The following THEMIS2 variants were observed in gnomAD, a reference collection of about 807,000 sequenced individuals.
The protein encoded by THEMIS2 is protein THEMIS2.
THEMIS2 carries 29 observed loss-of-function variants against 46.8 expected under a neutral mutation model. The ratio of observed to expected loss-of-function variants is 0.62; its 90% CI spans 0.46 to 0.84. The LOEUF is 0.84. THEMIS2 is among the 40% of genes least tolerant of loss of function. The pLI is 0.00. For synonymous variants in THEMIS2, 335 were observed against 349.1 expected (o/e 0.96, Z 0.45); for missense variants, 698 against 834.7 (o/e 0.84, Z 2.02).
In THEMIS2 at chr1:27,876,706, G is replaced by A; in HGVS notation, c.213G>A (p.Met71Ile). Reference protein sequence around the residue: ...VCENPKTSQTMELAPNFQGYF... With the variant: ...VCENPKTSQTIELAPNFQGYF... Reference sequence around the variant, plus strand: ...AGAACCCGAAGACCAGCCAGACCATGGAGCTCGCCCCCAACTTCCAGGGTA... The same window carrying A: ...AGAACCCGAAGACCAGCCAGACCATAGAGCTCGCCCCCAACTTCCAGGGTA... The change falls in exon 2 of 6, where the codon ATG (methionine) becomes ATA (isoleucine). Residue 71 changes from methionine (M) to isoleucine (I), a missense_variant. Coordinates refer to ENST00000373921, the MANE Select transcript of THEMIS2 (RefSeq NM_001105556.3). The A allele has an allele frequency of 6.2e-7, 1 of 1,613,926 alleles. No individual in the cohort carries two copies. The highest frequency in any genetic ancestry group is 8.5e-7 in the Non-Finnish European group (1 of 1,179,976).
rs2089686777 is a variant in THEMIS2 at position 27,881,996 on chromosome 1, T to G, written c.672T>G (p.Pro224=). The G allele has an allele frequency of 1.9e-6, 3 of 1,613,838 alleles. No individual in the cohort carries two copies. The highest frequency in any genetic ancestry group is 1.7e-6 in the Non-Finnish European group (2 of 1,179,872). The part of the protein sequence containing the change: ...MHMRRTIVKI[P]STLEVDVEDV... ...TGCGCAGGACCATTGTCAAGATCCCTTCTACCCTGGAGGTCGACGTGGAGG... is the reference window on the plus strand; with the variant it reads ...TGCGCAGGACCATTGTCAAGATCCCGTCTACCCTGGAGGTCGACGTGGAGG... Residue 224 remains proline (P), a synonymous_variant, in exon 4 of 6, where the codon CCT becomes CCG. Coordinates refer to ENST00000373921, the MANE Select transcript of THEMIS2 (RefSeq NM_001105556.3).
At chr1:27,876,833 G>A in intron 2 of THEMIS2, 105 bp downstream of exon 2, 1 of 1,437,098 alleles carries the variant, frequency 7.0e-7, no homozygotes, top group East Asian at 2.4e-5. Flanking sequence ...CTCCCCTCGG[G>A]GTTTGCTCCC....
chr1:27,880,049 T>C lies in THEMIS2; in HGVS notation c.641T>C (p.Met214Thr), dbSNP rs1294727260. 4 of 1,594,156 alleles carry C rather than the reference T, an allele frequency of 2.5e-6. No homozygotes were observed. Among genetic ancestry groups the C allele is most frequent in the Non-Finnish European group, 3.4e-6 (4 of 1,164,652 alleles). The stretch of plus-strand genomic sequence containing the variant: ...CCCCAGTATGAGATCCAAGCCATCA[T>C]GCACAGTGAGTTGCCTGGGCAGATG... ...LRPQYEIQAI[M>T]HMRRTIVKIP... Residue 214 changes from methionine (M) to threonine (T), a missense_variant, in exon 3 of 6, where the codon ATG (methionine) becomes ACG (threonine). Coordinates refer to ENST00000373921, the MANE Select transcript of THEMIS2 (RefSeq NM_001105556.3).
Position 27,882,011 on chromosome 1 carries a change from C to G in THEMIS2, c.687C>G (p.Val229=). Reference sequence around the variant, plus strand: ...TCAAGATCCCTTCTACCCTGGAGGTCGACGTGGAGGACGTCACCGCCTCCT... The same window carrying G: ...TCAAGATCCCTTCTACCCTGGAGGTGGACGTGGAGGACGTCACCGCCTCCT... ...TIVKIPSTLE[V]DVEDVTASSR... The change falls in exon 4 of 6, where the codon GTC becomes GTG. Residue 229 remains valine, a synonymous_variant. Coordinates refer to ENST00000373921, the MANE Select transcript of THEMIS2 (RefSeq NM_001105556.3). This position sits in a 1 kb window ranked among gnomAD's most constrained non-coding sequence, Gnocchi z 7.6. The G allele has an allele frequency of 6.2e-7, 1 of 1,614,038 alleles. No homozygotes were observed. Among genetic ancestry groups the G allele is most frequent in the Non-Finnish European group, 8.5e-7 (1 of 1,179,968 alleles).
intron 4 of THEMIS2, 125 bp from the exon 5 acceptor site, chr1:27,885,170 C>A (rs990673421): frequency 2.0e-6 from 2 of 1,023,754 alleles, no homozygotes; most frequent in African/African-American, 3.2e-5. Context: ...CTTGAGAGGT[C>A]ATAGCCTGAA....
intron 1 of THEMIS2, among the ~76,000 whole-genome samples, chr1:27,873,036 G>C (rs1460581137): frequency 6.6e-6 from 1 of 152,118 alleles, no homozygotes; most frequent in Non-Finnish European, 1.5e-5. Context: ...GAAGTGCAGG[G>C]TCAGTCTTCC....
intron 1 of THEMIS2, among the ~76,000 whole-genome samples, chr1:27,874,848 T>C (rs1370409402): frequency 6.6e-6 from 1 of 152,032 alleles, no homozygotes; most frequent in East Asian, 1.9e-4. Flanking sequence ...GTCCTCCCAC[T>C]TTAGCCTCCC....
intron 2 of THEMIS2, among the ~76,000 whole-genome samples, chr1:27,877,208 G>C (rs1175534741): frequency 6.6e-6 from 1 of 152,224 alleles, no homozygotes; most frequent in African/African-American, 2.4e-5. Context: ...CTCAGGATCT[G>C]TGAGGGCTTC....
At position 27,872,963 on chromosome 1, in the gene THEMIS2, G is replaced by A. The variant is rs2089514406; in HGVS notation, c.94+298G>A. On this transcript the variant is annotated intron_variant, in intron 1 of 5. Coordinates refer to ENST00000373921, the MANE Select transcript of THEMIS2 (RefSeq NM_001105556.3). The surrounding 1 kb of genome is among the most constrained non-coding windows in gnomAD (Gnocchi z 4.9). The stretch of plus-strand genomic sequence containing the variant: ...GTGGCCCCGCGGTGCGCATGGGACA[G>A]AGCTCCGACCGCGCCGGGACGCAGC... 6.6e-6 allele frequency among the ~76,000 whole-genome samples: 1 copy of A among 152,182 alleles called. No homozygotes were observed.
At chr1:27,885,666 A>G (rs1316376442) in intron 5 of THEMIS2, among the ~76,000 whole-genome samples, 1 of 152,116 alleles carries the variant, frequency 6.6e-6, no homozygotes, top group Admixed American at 6.6e-5. Flanking sequence ...TCAGTCCCCA[A>G]CATACTACCC....
chr1:27,879,157 T>G (rs1024333250), intron 2 of THEMIS2, among the ~76,000 whole-genome samples: 13 of 152,056 alleles, frequency 8.5e-5, no homozygotes, highest in Non-Finnish European at 1.3e-4. Context: ...CAGTCACTAT[T>G]GGCAGCCAGG....
At chr1:27,876,425 A>G (rs2089580221) in intron 1 of THEMIS2, among the ~76,000 whole-genome samples, 163 bp from the exon 2 acceptor site, 1 of 152,106 alleles carries the variant, frequency 6.6e-6, no homozygotes, top group South Asian at 2.1e-4. Flanking sequence ...GCTGAGGACG[A>G]CTGAACCTGT....
chr1:27,881,266 T>C (rs1199365424), intron 3 of THEMIS2, among the ~76,000 whole-genome samples: 3 of 150,558 alleles, frequency 2.0e-5, no homozygotes, highest in South Asian at 2.1e-4. Flanking sequence ...CTGGCTAACA[T>C]GGTGAAACCC....
Position 27,876,694 on chromosome 1 carries a change from C to G in THEMIS2, c.201C>G (p.Thr67=). ...LQKVVCENPK[T]SQTMELAPNF... ...AGGTGGTCTGTGAGAACCCGAAGACCAGCCAGACCATGGAGCTCGCCCCCA... is the reference window on the plus strand; with the variant it reads ...AGGTGGTCTGTGAGAACCCGAAGACGAGCCAGACCATGGAGCTCGCCCCCA... The change falls in exon 2 of 6, where the codon ACC becomes ACG. Residue 67 remains threonine (T), a synonymous_variant. Coordinates refer to ENST00000373921, the MANE Select transcript of THEMIS2 (RefSeq NM_001105556.3). The G allele has an allele frequency of 6.2e-7, 1 of 1,613,998 alleles. No homozygotes were observed. The highest frequency in any genetic ancestry group is 8.5e-7 in the Non-Finnish European group (1 of 1,179,990).
At chr1:27,885,233 T>C in intron 4 of THEMIS2, 62 bp from the exon 5 acceptor site, 1 of 1,574,144 alleles carries the variant, frequency 6.4e-7, no homozygotes, top group East Asian at 2.2e-5. Context: ...AATGACCGTT[T>C]TTCATGGACT....
In THEMIS2 at chr1:27,874,258, C is replaced by T. The variant is rs1557444860; in HGVS notation, c.94+1593C>T. On this transcript the variant is annotated intron_variant, in intron 1 of 5. Transcript: ENST00000373921. Reference sequence around the variant, plus strand: ...TCATTTTGCCCAGGCCGGTCTCAAACCCCTGGACTCAAGTGATCTGCCTGC... The same window carrying T: ...TCATTTTGCCCAGGCCGGTCTCAAATCCCTGGACTCAAGTGATCTGCCTGC... 1.3e-5 allele frequency among the ~76,000 whole-genome samples: 2 copies of T among 151,982 alleles called. 1 individual carries two copies. Among genetic ancestry groups the T allele is most frequent in the South Asian group, 4.2e-4 (2 of 4,810 alleles).
At chr1:27,878,633 G>A (rs947289606) in intron 2 of THEMIS2, among the ~76,000 whole-genome samples, 2 of 151,522 alleles carry the variant, frequency 1.3e-5, no homozygotes, top group Admixed American at 1.3e-4. Flanking sequence ...CCATTTGAGA[G>A]TAAATTGCAG....
chr1:27,886,527 A>G lies in THEMIS2; in HGVS notation c.*605A>G, dbSNP rs2089775566. 6.6e-6 allele frequency: 1 copy of G among 152,232 alleles called. No homozygotes were observed. Among genetic ancestry groups the G allele is most frequent in the Non-Finnish European group, 1.5e-5 (1 of 68,054 alleles). The allele number at this position is 152,232 out of a possible 1,614,324, so 9.4% of individuals were successfully genotyped here. A position where few individuals can be genotyped will look rare whatever the true frequency, so the allele number is the denominator to read the frequency against. ...AAAAGCTGGTGGTGAAATGAGGAGG[A>G]GCCAATTTAAGAAGACCCTTATGGA... On this transcript the variant is annotated 3_prime_UTR_variant, in exon 6 of 6. Transcript: ENST00000373921.
At chr1:27,885,647 A>AT (rs1246064054) in intron 5 of THEMIS2, among the ~76,000 whole-genome samples, 196 bp downstream of exon 5, 2 of 152,136 alleles carry the variant, frequency 1.3e-5, no homozygotes, top group Non-Finnish European at 2.9e-5. Flanking sequence ...TTTGGCAAGG[A>AT]AAATGAGTTC....
Sources: allele counts gnomAD v4.1 joint callset (sites outside exome capture counted in the v4.1 genomes callset), GRCh38; gene constraint gnomAD v4.1.1; non-coding constraint Gnocchi (gnomAD v3.1); transcripts MANE v1.5; gene names NCBI Gene and HGNC (gene_info 2026-07-23, HGNC 2026-07-21).